Variants in ABLIM1 observed in about 807,000 individuals in gnomAD.
The protein encoded by ABLIM1 is actin binding LIM protein 1.
ABLIM1 carries 40 observed loss-of-function variants against 107.0 expected under a neutral mutation model. That is an observed-to-expected ratio of 0.37 (90% CI 0.29 to 0.49). The LOEUF (loss-of-function observed/expected upper bound fraction) is 0.49. ABLIM1 is among the 20% of genes least tolerant of loss of function. The probability of loss-of-function intolerance (pLI) is 0.97; values close to 1 mark genes in which losing one functional copy is unlikely to be tolerated. For missense variants in ABLIM1, 857 were observed against 1,008.5 expected (o/e 0.85, Z 2.04); for synonymous variants, 357 against 357.3 (o/e 1.00, Z 0.01).
intron 1 of ABLIM1, among the ~76,000 whole-genome samples, chr10:114,693,280 G>T (rs1044941772): frequency 2.0e-5 from 3 of 152,202 alleles, no homozygotes; most frequent in East Asian, 3.9e-4. Context: ...TTCATCTGAA[G>T]AAAGGGTTCC....
intron 8 of ABLIM1, among the ~76,000 whole-genome samples, chr10:114,478,785 A>G (rs1167074714): frequency 6.6e-6 from 1 of 151,992 alleles, no homozygotes; most frequent in Non-Finnish European, 1.5e-5. Flanking sequence ...TTTTTCTTTC[A>G]CTGAATTTAC....
Position 114,645,467 on chromosome 10 carries a change from T to C in ABLIM1, c.244+12490A>G, listed in dbSNP as rs1182472344. 2.0e-5 allele frequency among the ~76,000 whole-genome samples: 3 copies of C among 150,696 alleles called. No homozygotes were observed. The East Asian group carries it at 5.8e-4, about 29-fold the overall frequency. ...TTTAAGTTTTCCTCGCAGAGTCTCT[T>C]TTTTTTTTGGCAGGGAGTTCTAAAC... is the stretch of plus-strand genomic sequence containing the variant. On this transcript the variant is annotated intron_variant, in intron 1 of 22. Coordinates refer to ENST00000533213, the MANE Select transcript of ABLIM1 (RefSeq NM_002313.7).
At chr10:114,475,966 T>C (rs1426961969) in intron 8 of ABLIM1, among the ~76,000 whole-genome samples, 2 of 152,232 alleles carry the variant, frequency 1.3e-5, no homozygotes, top group African/African-American at 4.8e-5. Flanking sequence ...ATACCTTGAA[T>C]GTGGGCACCA....
At chr10:114,728,308 T>A (rs1174363206) in intron 1 of ABLIM1, among the ~76,000 whole-genome samples, 1 of 151,900 alleles carries the variant, frequency 6.6e-6, no homozygotes, top group Non-Finnish European at 1.5e-5. Context: ...AAGAGGAAAA[T>A]TTTAATATCT....
At chr10:114,692,033 C>T (rs547406199) in intron 1 of ABLIM1, among the ~76,000 whole-genome samples, 2 of 152,308 alleles carry the variant, frequency 1.3e-5, no homozygotes, top group East Asian at 3.9e-4. Flanking sequence ...TGTTCCACCA[C>T]CTTCTCCATG....
rs1215619815 is a variant in ABLIM1 at position 114,704,271 on chromosome 10, GCTCTCT to G, written c.-213+63784_-213+63789del. On this transcript the variant is annotated intron_variant, in intron 1 of 15. Transcript: ENST00000651092. ...CTCTCTGACACTCTATCTCTCTCTC[GCTCTCT>G]CTCTCTCTCTCTCTCTCTCTCTCTC... Among the ~76,000 whole-genome samples, 250 of 40,958 alleles carry G rather than the reference GCTCTCT, an allele frequency of 6.1e-3. 3 individuals carry two copies. The highest frequency in any genetic ancestry group is 0.011 in the African/African-American group (146 of 13,736). 26.9% of individuals were successfully genotyped at this position (40,958 alleles called of 152,430 possible).
intron 1 of ABLIM1, among the ~76,000 whole-genome samples, chr10:114,699,403 A>G (rs554522385): frequency 8.5e-5 from 13 of 152,258 alleles, no homozygotes; most frequent in Non-Finnish European, 1.8e-4. Context: ...ATTGGTTTTC[A>G]GCTCTAAAAA....
intron 6 of ABLIM1, among the ~76,000 whole-genome samples, chr10:114,534,946 C>T (rs1040513947): frequency 6.6e-6 from 1 of 152,208 alleles, no homozygotes; most frequent in African/African-American, 2.4e-5. Flanking sequence ...CCTGGCACAA[C>T]ACATTTCCTC....
rs764982033 is a variant in ABLIM1, at chr10:114,575,624, GGTC to G, written c.380-28_380-26del. 31 of 1,602,588 alleles carry G rather than the reference GGTC, an allele frequency of 1.9e-5. 1 individual carries two copies. In the African/African-American group the frequency reaches 3.5e-4, roughly 18 times the overall value. ...ACTGTAGAGAGACAAGTTCACATCT[GGTC>G]ATTATCTGCCACACTGCCGGGCAGC... On this transcript the variant is annotated intron_variant, in intron 2 of 22. Coordinates refer to ENST00000533213, the MANE Select transcript of ABLIM1 (RefSeq NM_002313.7).
At chr10:114,564,541 G>A (rs1282751332) in intron 4 of ABLIM1, among the ~76,000 whole-genome samples, 1 of 151,964 alleles carries the variant, frequency 6.6e-6, no homozygotes, top group Admixed American at 6.6e-5. Context: ...AAAGTGCTGG[G>A]ATTACAGGTG....
intron 4 of ABLIM1, among the ~76,000 whole-genome samples, chr10:114,554,620 C>T (rs58567137): frequency 0.071 from 10,865 of 152,148 alleles, 534 homozygotes; most frequent in African/African-American, 0.14. Context: ...TGCTTGAGCC[C>T]AGGAGCTCAA....
intron 1 of ABLIM1, among the ~76,000 whole-genome samples, chr10:114,747,278 A>G (rs1056502477): frequency 6.6e-6 from 1 of 152,184 alleles, no homozygotes; most frequent in Non-Finnish European, 1.5e-5. Context: ...AAGATCCCCA[A>G]ATGCTGAGAT....
At chr10:114,681,898 G>A (rs949964893) in intron 1 of ABLIM1, among the ~76,000 whole-genome samples, 3 of 152,202 alleles carry the variant, frequency 2.0e-5, no homozygotes, top group East Asian at 1.9e-4. Flanking sequence ...ACTGGTCACC[G>A]ACTGTGGCAG....
intron 1 of ABLIM1, among the ~76,000 whole-genome samples, chr10:114,720,980 T>G (rs1217278379): frequency 1.3e-5 from 2 of 152,216 alleles, no homozygotes; most frequent in Non-Finnish European, 2.9e-5. Flanking sequence ...GTCCCTACTT[T>G]GCTCTCAAAG....
At chr10:114,621,765 A>G (rs1431083893) in intron 1 of ABLIM1, among the ~76,000 whole-genome samples, 1 of 152,204 alleles carries the variant, frequency 6.6e-6, no homozygotes. Flanking sequence ...GGATCTTTCC[A>G]GTGTGTCGAG....
chr10:114,733,419 AC>A (rs1182602446), intron 1 of ABLIM1, among the ~76,000 whole-genome samples: 6 of 152,218 alleles, frequency 3.9e-5, no homozygotes, highest in Non-Finnish European at 5.9e-5. Flanking sequence ...GTAATGCTGT[AC>A]CCCGAGCAAA....
chr10:114,439,350 A>G (rs193057031), intron 20 of ABLIM1, 100 bp from the exon 21 acceptor site: 1 of 1,161,418 alleles, frequency 8.6e-7, no homozygotes, highest in East Asian at 2.4e-5. Context: ...CTCCAATCCT[A>G]ACCACTATTT....
intron 1 of ABLIM1, among the ~76,000 whole-genome samples, chr10:114,699,741 A>T (rs1173597904): frequency 6.6e-6 from 1 of 152,202 alleles, no homozygotes; most frequent in Non-Finnish European, 1.5e-5. Flanking sequence ...ATCCAAACAT[A>T]TTATTTAGAA....
chr10:114,766,247 T>C (rs1290430711), intron 1 of ABLIM1, among the ~76,000 whole-genome samples: 1 of 152,206 alleles, frequency 6.6e-6, no homozygotes, highest in Non-Finnish European at 1.5e-5. Flanking sequence ...CTAATAAACA[T>C]ACAATAACTG....
Sources: allele counts gnomAD v4.1 joint callset (sites outside exome capture counted in the v4.1 genomes callset), GRCh38; gene constraint gnomAD v4.1.1; transcripts MANE v1.5; gene names NCBI Gene and HGNC (gene_info 2026-07-23, HGNC 2026-07-21).